XPR1: variants seen among roughly 807,000 people sequenced by gnomAD.
The protein encoded by XPR1 is solute carrier family 53 member 1.
Under a neutral mutation model 87.5 loss-of-function variants are expected in XPR1, and 28 were observed. The observed-to-expected ratio is 0.32, with a 90% confidence interval of 0.24 to 0.44. The LOEUF (loss-of-function observed/expected upper bound fraction) is 0.44, where lower values mean the gene tolerates loss of function less well. XPR1 is among the 20% of genes least tolerant of loss of function. The pLI is 1.00. For missense variants in XPR1, 559 were observed against 862.3 expected (o/e 0.65, Z 4.41); for synonymous variants, 300 against 306.1 (o/e 0.98, Z 0.21).
At chr1:180,755,438 G>C (rs1466111653) in intron 2 of XPR1, among the ~76,000 whole-genome samples, 1 of 152,210 alleles carries the variant, frequency 6.6e-6, no homozygotes. Context: ...GAGCTGTGTA[G>C]AAATACACAA....
At chr1:180,673,500 A>G (rs1475746578) in intron 1 of XPR1, among the ~76,000 whole-genome samples, 1 of 152,182 alleles carries the variant, frequency 6.6e-6, no homozygotes, top group Admixed American at 6.5e-5. Flanking sequence ...GGGGTCCCCA[A>G]CCCCAAGGCC....
At chr1:180,721,136 G>A (rs954270749) in intron 2 of XPR1, among the ~76,000 whole-genome samples, 3 of 151,382 alleles carry the variant, frequency 2.0e-5, no homozygotes, top group Non-Finnish European at 4.4e-5. Context: ...CAGGAGAATC[G>A]CTTGAACCCC....
At chr1:180,769,107 A>G (rs1375361091) in intron 2 of XPR1, among the ~76,000 whole-genome samples, 2 of 152,090 alleles carry the variant, frequency 1.3e-5, no homozygotes. Flanking sequence ...TTTTTAAAAC[A>G]TACATTTTTA....
chr1:180,698,077 C>G (rs543860534), intron 2 of XPR1, among the ~76,000 whole-genome samples: 1 of 152,190 alleles, frequency 6.6e-6, no homozygotes, highest in African/African-American at 2.4e-5. Context: ...GAATCTCTTT[C>G]TTTAGATCTA....
intron 2 of XPR1, among the ~76,000 whole-genome samples, chr1:180,693,333 T>C (rs1451849302): frequency 6.6e-6 from 1 of 152,158 alleles, no homozygotes; most frequent in Non-Finnish European, 1.5e-5. Context: ...GCATATGAAG[T>C]TGTGATCAGA....
At chr1:180,879,051 C>G (rs1338584588) in intron 13 of XPR1, among the ~76,000 whole-genome samples, 1 of 152,234 alleles carries the variant, frequency 6.6e-6, no homozygotes, top group Non-Finnish European at 1.5e-5. Context: ...TCTAACCTAA[C>G]AGGAACAGCC....
chr1:180,826,477 C>T (rs1318881801), intron 9 of XPR1, among the ~76,000 whole-genome samples: 5 of 151,932 alleles, frequency 3.3e-5, no homozygotes, highest in African/African-American at 9.7e-5. Context: ...GAGCCAGGAA[C>T]GTCAAAGCTG....
intron 7 of XPR1, among the ~76,000 whole-genome samples, chr1:180,818,977 T>G (rs555473556): frequency 6.6e-6 from 1 of 152,184 alleles, no homozygotes; most frequent in South Asian, 2.1e-4. Flanking sequence ...AGAGACAGGG[T>G]CTCTCTCTGT....
chr1:180,728,445 G>A (rs1557977473), intron 2 of XPR1, among the ~76,000 whole-genome samples: 1 of 152,118 alleles, frequency 6.6e-6, no homozygotes, highest in Non-Finnish European at 1.5e-5. Context: ...CAAGATCATA[G>A]GTGATATTTA....
chr1:180,852,890 C>T lies in XPR1; in HGVS notation c.1502-10818C>T, dbSNP rs776066547. Among the ~76,000 whole-genome samples, 94 of 152,260 alleles carry T rather than the reference C, an allele frequency of 6.2e-4. 1 individual carries two copies. The highest frequency in any genetic ancestry group is 3.4e-3 in the Middle Eastern group (1 of 294). Reference sequence around the variant, plus strand: ...CTTTATTATTATTGCTAGTCTCTTGCTGTGCTTAATTTATAGATTAAACTT... The same window carrying T: ...CTTTATTATTATTGCTAGTCTCTTGTTGTGCTTAATTTATAGATTAAACTT... On this transcript the variant is annotated intron_variant, in intron 11 of 14. Transcript: ENST00000367590.
intron 11 of XPR1, among the ~76,000 whole-genome samples, chr1:180,849,929 A>G (rs1183429782): frequency 6.6e-6 from 1 of 152,240 alleles, no homozygotes; most frequent in Non-Finnish European, 1.5e-5. Context: ...GGGACCCAGG[A>G]GTTCCCCACC....
intron 3 of XPR1, among the ~76,000 whole-genome samples, chr1:180,800,328 C>G (rs751102110): frequency 1.3e-5 from 2 of 152,194 alleles, no homozygotes; most frequent in African/African-American, 4.8e-5. Context: ...GAAAAAGATT[C>G]AAAGTATGAG....
At chr1:180,772,887 A>C (rs1250892471) in intron 2 of XPR1, among the ~76,000 whole-genome samples, 1 of 152,212 alleles carries the variant, frequency 6.6e-6, no homozygotes, top group African/African-American at 2.4e-5. Context: ...TGACTAATAC[A>C]TACACATATC....
chr1:180,641,547 A>G (rs1200984786), intron 1 of XPR1, among the ~76,000 whole-genome samples: 3 of 152,176 alleles, frequency 2.0e-5, no homozygotes, highest in Non-Finnish European at 4.4e-5. Flanking sequence ...ACTTGTGTTC[A>G]TCTCAGTTAT....
At chr1:180,645,516 A>G (rs1655093461) in intron 1 of XPR1, among the ~76,000 whole-genome samples, 1 of 152,188 alleles carries the variant, frequency 6.6e-6, no homozygotes, top group Admixed American at 6.5e-5. Context: ...GTGTCACACA[A>G]GTTAAGTTTT....
At chr1:180,731,478 G>A (rs1571776342) in intron 2 of XPR1, among the ~76,000 whole-genome samples, 1 of 152,226 alleles carries the variant, frequency 6.6e-6, no homozygotes, top group African/African-American at 2.4e-5. Flanking sequence ...CTGTGATCTG[G>A]TGAGTTTCAG....
chr1:180,675,062 A>G (rs932747280), intron 1 of XPR1, among the ~76,000 whole-genome samples: 2 of 152,130 alleles, frequency 1.3e-5, no homozygotes, highest in Non-Finnish European at 2.9e-5. Context: ...GTTTACATTT[A>G]TATATATTTT....
intron 2 of XPR1, among the ~76,000 whole-genome samples, chr1:180,759,459 A>G (rs1647903003): frequency 6.6e-6 from 1 of 152,178 alleles, no homozygotes; most frequent in African/African-American, 2.4e-5. Context: ...CAGAAATACA[A>G]ACTACCATCA....
At chr1:180,649,469 G>A (rs758005397) in intron 1 of XPR1, among the ~76,000 whole-genome samples, 3 of 152,048 alleles carry the variant, frequency 2.0e-5, no homozygotes, top group East Asian at 1.9e-4. Flanking sequence ...TTAAAGATGC[G>A]TAACTAAATA....
Sources: gnomAD v4.1 joint callset for allele counts (sites outside exome capture counted in the v4.1 genomes callset) on GRCh38, gnomAD v4.1.1 for gene constraint, MANE v1.5 for transcripts, NCBI Gene and HGNC (gene_info 2026-07-23, HGNC 2026-07-21) for gene names.